The following RXRA variants were observed in gnomAD, a reference collection of about 807,000 sequenced individuals.
The protein encoded by RXRA is retinoid X receptor alpha, also known as retinoic acid receptor RXR-alpha.
A neutral mutation model predicts 44.5 loss-of-function variants in RXRA; 5 were observed. The ratio of observed to expected loss-of-function variants is 0.11; its 90% confidence interval spans 0.06 to 0.24. The LOEUF (loss-of-function observed/expected upper bound fraction) is 0.24, where lower values mean the gene tolerates loss of function less well. Ranked by LOEUF, RXRA falls within the 10% of genes least tolerant of loss-of-function variation. The pLI is 1.00. For synonymous variants in RXRA, 291 were observed against 271.4 expected, an observed-to-expected ratio of 1.07 and a Z score of -0.71; for missense variants, 412 against 646.5, an observed-to-expected ratio of 0.64 and a Z score of 3.93.
At chr9:134,396,740 G>A (rs1280304530) in intron 1 of RXRA, among the ~76,000 whole-genome samples, 1 of 152,192 alleles carries the variant, frequency 6.6e-6, no homozygotes, top group Non-Finnish European at 1.5e-5. Context: ...CATTTAGAAC[G>A]CCGTCCTTCC....
intron 4 of RXRA, among the ~76,000 whole-genome samples, chr9:134,416,903 C>T (rs35231948): frequency 6.6e-6 from 1 of 152,226 alleles, no homozygotes; most frequent in African/African-American, 2.4e-5. Flanking sequence ...GCACTGTCTC[C>T]TTCCAGGCCC....
At chr9:134,410,650 G>T (rs771362302) in intron 4 of RXRA, among the ~76,000 whole-genome samples, 1 of 152,222 alleles carries the variant, frequency 6.6e-6, no homozygotes, top group Non-Finnish European at 1.5e-5. Context: ...GGGCCCCTGT[G>T]CCCAGGCGTG....
intron 1 of RXRA, among the ~76,000 whole-genome samples, chr9:134,351,979 G>A (rs1248380043): frequency 1.3e-5 from 2 of 152,244 alleles, no homozygotes; most frequent in African/African-American, 2.4e-5. Context: ...GGGCCTGGGG[G>A]CTGAGGTTGA....
intron 3 of RXRA, 25 bp downstream of exon 3, chr9:134,408,324 G>C: frequency 4.4e-6 from 7 of 1,583,842 alleles, no homozygotes; most frequent in Non-Finnish European, 6.0e-6. Context: ...GGGGCCAGGG[G>C]CTGGTGGGAC....
At chr9:134,397,618 C>T (rs1007332611) in intron 1 of RXRA, among the ~76,000 whole-genome samples, 2 of 152,236 alleles carry the variant, frequency 1.3e-5, no homozygotes, top group East Asian at 1.9e-4. Context: ...TCTGCTCTTC[C>T]GTTTAGCCCT....
At chr9:134,432,804 T>G (rs1831553643) in intron 8 of RXRA, among the ~76,000 whole-genome samples, 5 of 150,716 alleles carry the variant, frequency 3.3e-5, no homozygotes, top group African/African-American at 4.9e-5. Context: ...GCCAGGGGAG[T>G]GAGAGGCACG....
intron 1 of RXRA, among the ~76,000 whole-genome samples, chr9:134,360,896 T>C (rs1019708024): frequency 2.0e-5 from 3 of 152,336 alleles, no homozygotes; most frequent in Admixed American, 2.0e-4. Flanking sequence ...CTGCAGGGGC[T>C]CTGAGCCCGA....
At chr9:134,384,902 T>G (rs1830696694) in intron 1 of RXRA, among the ~76,000 whole-genome samples, 1 of 152,132 alleles carries the variant, frequency 6.6e-6, no homozygotes, top group South Asian at 2.1e-4. Context: ...CAGACGGGTG[T>G]GAGCATGTGG....
chr9:134,434,204 G>A lies in RXRA; in HGVS notation c.1238G>A (p.Gly413Glu). 2 of 1,612,142 alleles carry A rather than the reference G, an allele frequency of 1.2e-6. No individual in the cohort carries two copies. The highest frequency in any genetic ancestry group is 8.5e-7 in the Non-Finnish European group (1 of 1,178,474). Residue 413 changes from glycine to glutamate, a missense_variant, in exon 9 of 10, where the codon GGA (glycine) becomes GAA (glutamate). By Grantham distance (98) the Gly-to-Glu change is moderately conservative. This residue lies in a region of RXRA where 141 missense variants were observed against 270.8 expected (regional missense o/e 0.52). Transcript: ENST00000481739. The part of the protein sequence containing the change: ...YCKHKYPEQP[G>E]RFAKLLLRLP... Reference sequence around the variant, plus strand: ...AAGCACAAGTACCCAGAGCAGCCGGGAAGGTGGGTCCCGCCCCGTCCCACA... The same window carrying A: ...AAGCACAAGTACCCAGAGCAGCCGGAAAGGTGGGTCCCGCCCCGTCCCACA...
rs748759423 is a variant in RXRA, at chr9:134,417,349, G to A, written c.780+22G>A. 3 of 1,608,096 alleles carry A rather than the reference G, an allele frequency of 1.9e-6. No homozygotes were observed. Among genetic ancestry groups the A allele is most frequent in the African/African-American group, 2.7e-5 (2 of 74,848 alleles). ...CTCGGTGAGTTGCAGCCTGTGCAGG[G>A]GTGGGCAGCCTCACATGCCTCAGTT... is the stretch of plus-strand genomic sequence containing the variant. On this transcript the variant is annotated intron_variant, in intron 5 of 9. Transcript: ENST00000481739. The surrounding 1 kb of genome is among the most constrained non-coding windows in gnomAD (Gnocchi z 6.1).
chr9:134,342,683 G>A lies in RXRA; in HGVS notation c.28+16024G>A, dbSNP rs1830100458. Among the ~76,000 whole-genome samples the A allele has an allele frequency of 6.6e-6, 1 of 152,150 alleles. No individual in the cohort carries two copies. The highest frequency in any genetic ancestry group is 1.5e-5 in the Non-Finnish European group (1 of 68,016). ...CTGTGGTTCCCACAGGGCCATGTGT[G>A]GTCTCCAGGGCTGAGATGGCTGGTG... On this transcript the variant is annotated intron_variant, in intron 1 of 9. Coordinates refer to ENST00000481739, the MANE Select transcript of RXRA (RefSeq NM_002957.6). The surrounding 1 kb of genome is among the most constrained non-coding windows in gnomAD (Gnocchi z 4.4).
chr9:134,407,429 G>C lies in RXRA; in HGVS notation c.280-720G>C, dbSNP rs1465264267. Among the ~76,000 whole-genome samples the C allele has an allele frequency of 3.3e-5, 5 of 152,224 alleles. No homozygotes were observed. Among genetic ancestry groups the C allele is most frequent in the Non-Finnish European group, 7.3e-5 (5 of 68,038 alleles). On this transcript the variant is annotated intron_variant, in intron 2 of 9. Transcript: ENST00000481739. This position sits in a 1 kb window ranked among gnomAD's most constrained non-coding sequence, Gnocchi z 4.8. Reference sequence around the variant, plus strand: ...TCCTCGGCGCTGACTGCAGAGCTGGGTGGAGGCAGCGGAACCAAAACTGCT... The same window carrying C: ...TCCTCGGCGCTGACTGCAGAGCTGGCTGGAGGCAGCGGAACCAAAACTGCT...
intron 5 of RXRA, among the ~76,000 whole-genome samples, chr9:134,420,912 C>G (rs568556471): frequency 6.6e-6 from 1 of 152,348 alleles, no homozygotes; most frequent in Non-Finnish European, 1.5e-5. Context: ...GAATGCTGCT[C>G]TCTCTGTGCC....
intron 1 of RXRA, among the ~76,000 whole-genome samples, chr9:134,381,356 C>T (rs981366389): frequency 6.6e-6 from 1 of 152,064 alleles, no homozygotes; most frequent in Non-Finnish European, 1.5e-5. Flanking sequence ...GTGCTGACCG[C>T]GCTGGGGCAG....
rs1003189125 is a variant in RXRA at position 134,375,496 on chromosome 9, G to T, written c.29-26136G>T. Reference sequence around the variant, plus strand: ...GCAGTGGGCAGGGGATTCCAGGCAGGTCCTGGCCCGGAATAAACCCTGGTT... The same window carrying T: ...GCAGTGGGCAGGGGATTCCAGGCAGTTCCTGGCCCGGAATAAACCCTGGTT... On this transcript the variant is annotated intron_variant, in intron 1 of 9. Transcript: ENST00000481739. Among the ~76,000 whole-genome samples, 4 of 152,198 alleles carry T rather than the reference G, an allele frequency of 2.6e-5. No homozygotes were observed. In the South Asian group the frequency reaches 8.3e-4, roughly 31 times the overall value.
intron 1 of RXRA, among the ~76,000 whole-genome samples, chr9:134,376,185 A>G (rs1830554300): frequency 6.6e-6 from 1 of 152,206 alleles, no homozygotes; most frequent in Admixed American, 6.5e-5. Flanking sequence ...CTGCAGGCGC[A>G]GCCAGGCCTT....
rs2118998807 is a variant in RXRA, at chr9:134,326,625, C to T, written c.-7C>T. Reference sequence around the variant, plus strand: ...CGCCGCCGGCCGGGCATGAGTTAGTCGCAGACATGGACACCAAACATTTCC... The same window carrying T: ...CGCCGCCGGCCGGGCATGAGTTAGTTGCAGACATGGACACCAAACATTTCC... On this transcript the variant is annotated 5_prime_UTR_variant, in exon 1 of 10. Transcript: ENST00000481739. The T allele has an allele frequency of 2.1e-6, 2 of 967,038 alleles. No individual in the cohort carries two copies. Among genetic ancestry groups the T allele is most frequent in the African/African-American group, 1.8e-5 (1 of 55,032 alleles). The allele number at this position is 967,038 out of a possible 1,614,324, so 59.9% of individuals were successfully genotyped here. A position where few individuals can be genotyped will look rare whatever the true frequency, so the allele number is the denominator to read the frequency against.
chr9:134,357,592 C>T (rs921929978), intron 1 of RXRA, among the ~76,000 whole-genome samples: 1 of 152,030 alleles, frequency 6.6e-6, no homozygotes, highest in African/African-American at 2.4e-5. Context: ...CTCAGAGAGC[C>T]TTGGCCCTGG....
chr9:134,395,731 G>A (rs1471482969), intron 1 of RXRA, among the ~76,000 whole-genome samples: 2 of 152,268 alleles, frequency 1.3e-5, no homozygotes, highest in African/African-American at 2.4e-5. Flanking sequence ...TCCATCATCC[G>A]ACCCTGCTTT....
Sources: gnomAD v4.1 joint callset for allele counts (sites outside exome capture counted in the v4.1 genomes callset) on GRCh38, gnomAD v4.1.1 for gene constraint, gnomAD v4.1.1 regional missense constraint, Gnocchi (gnomAD v3.1) non-coding constraint, MANE v1.5 for transcripts, NCBI Gene and HGNC (gene_info 2026-07-23, HGNC 2026-07-21) for gene names.